PPP2R3A: variants seen among roughly 807,000 people sequenced by gnomAD.
The protein encoded by PPP2R3A is protein phosphatase 2 regulatory subunit B''alpha.
Under a neutral mutation model 106.9 loss-of-function variants are expected in PPP2R3A, and 80 were observed. That is an observed-to-expected ratio of 0.75 (90% CI 0.62 to 0.90). PPP2R3A has a LOEUF of 0.90. Among genes scored for constraint, PPP2R3A ranks in the 40% least tolerant of loss-of-function variants. The pLI, the probability that PPP2R3A is intolerant of heterozygous loss-of-function variation, is 0.00. For synonymous variants in PPP2R3A, 483 were observed against 468.3 expected, an observed-to-expected ratio of 1.03 and a Z score of -0.41; for missense variants, 1,386 against 1,350.4, an observed-to-expected ratio of 1.03 and a Z score of -0.41.
chr3:136,022,922 G>C, intron 2 of PPP2R3A: 1 of 1,457,850 alleles, frequency 6.9e-7, no homozygotes, highest in Non-Finnish European at 9.0e-7. Flanking sequence ...GTCTGTGGAG[G>C]CTGGGAGAGC....
chr3:135,980,842 G>A (rs973776427), intron 1 of PPP2R3A, among the ~76,000 whole-genome samples: 5 of 151,848 alleles, frequency 3.3e-5, no homozygotes, highest in Non-Finnish European at 7.3e-5. Context: ...CACCCACGTA[G>A]TGGAGTTTGG....
intron 2 of PPP2R3A, chr3:136,023,089 C>A: frequency 6.2e-7 from 1 of 1,613,320 alleles, no homozygotes; most frequent in Non-Finnish European, 8.5e-7. Flanking sequence ...AAGGAAACAT[C>A]TCTACGAAGG....
chr3:136,072,011 C>G (rs1021152561), intron 6 of PPP2R3A, among the ~76,000 whole-genome samples: 4 of 152,088 alleles, frequency 2.6e-5, no homozygotes, highest in Non-Finnish European at 5.9e-5. Context: ...CCTCTGCCCC[C>G]TCCCCCTACA....
rs1939075984 is a variant in PPP2R3A at position 136,145,330 on chromosome 3, T to G, written c.*164T>G. On this transcript the variant is annotated 3_prime_UTR_variant, in exon 14 of 14. Transcript: ENST00000264977. Reference sequence around the variant, plus strand: ...TAAGCAATAGGTCTGGATACACATTTAACTTAGGAGGCTCCTCCAATTTGC... The same window carrying G: ...TAAGCAATAGGTCTGGATACACATTGAACTTAGGAGGCTCCTCCAATTTGC... 1.1e-6 allele frequency: 1 copy of G among 869,910 alleles called. No homozygotes were observed. The highest frequency in any genetic ancestry group is 1.6e-6 in the Non-Finnish European group (1 of 622,272). 53.9% of individuals were successfully genotyped at this position (869,910 alleles called of 1,614,324 possible).
At position 136,001,584 on chromosome 3, in the gene PPP2R3A, A is replaced by G. The variant is rs777658460; in HGVS notation, c.86A>G (p.His29Arg). 5.0e-6 allele frequency: 8 copies of G among 1,614,148 alleles called. No homozygotes were observed. In the South Asian group the frequency reaches 7.7e-5, roughly 16 times the overall value. ...VIDRRFEQAI[H>R]YCTGTCHTFT... ...GACCGGCGTTTTGAACAAGCTATAC[A>G]TTATTGCACTGGAACCTGCCACACC... Residue 29 changes from histidine (H) to arginine (R), a missense_variant, in exon 2 of 14, where the codon CAT becomes CGT. Physicochemically the swap from His to Arg is conservative, Grantham distance 29. Coordinates refer to ENST00000264977, the MANE Select transcript of PPP2R3A (RefSeq NM_002718.5).
intron 5 of PPP2R3A, among the ~76,000 whole-genome samples, chr3:136,057,641 A>G (rs1175083266): frequency 6.6e-6 from 1 of 152,186 alleles, no homozygotes. Flanking sequence ...TAAATGGTGA[A>G]GAATCTGAAT....
At chr3:136,073,118 C>CCGT (rs1936486491) in intron 6 of PPP2R3A, among the ~76,000 whole-genome samples, 3 of 152,154 alleles carry the variant, frequency 2.0e-5, no homozygotes, top group Admixed American at 2.0e-4. Flanking sequence ...CAGGCGCCCA[C>CCGT]CACCACGCCC....
intron 13 of PPP2R3A, among the ~76,000 whole-genome samples, chr3:136,112,551 G>T (rs964729584): frequency 6.6e-6 from 1 of 152,100 alleles, no homozygotes; most frequent in African/African-American, 2.4e-5. Flanking sequence ...GCCACAAAAA[G>T]AATAAGATAC....
chr3:136,051,874 A>G lies in PPP2R3A; in HGVS notation c.2469+2513A>G, dbSNP rs189412106. ...ACATAGACTTTTAATTATAGTAACAATCTTCCATGTTTAAAATGTGAAGTT... is the reference window on the plus strand; with the variant it reads ...ACATAGACTTTTAATTATAGTAACAGTCTTCCATGTTTAAAATGTGAAGTT... On this transcript the variant is annotated intron_variant, in intron 5 of 13. Coordinates refer to ENST00000264977, the MANE Select transcript of PPP2R3A (RefSeq NM_002718.5). Among the ~76,000 whole-genome samples, 26 of 152,264 alleles carry G rather than the reference A, an allele frequency of 1.7e-4. 1 individual carries two copies. The South Asian group carries it at 4.6e-3, about 27-fold the overall frequency.
chr3:136,079,329 A>G lies in PPP2R3A; in HGVS notation c.2631+876A>G, dbSNP rs143140593. 295 of 264,874 alleles carry G rather than the reference A, an allele frequency of 1.1e-3. 3 individuals are homozygous for G. Among genetic ancestry groups the G allele is most frequent in the African/African-American group, 6.0e-3 (272 of 45,272 alleles). The allele number at this position is 264,874 out of a possible 1,614,324, so 16.4% of individuals were successfully genotyped here. On this transcript the variant is annotated intron_variant, in intron 7 of 13. Transcript: ENST00000264977. ...ATGGCAGTAATTCCATAATACCTCA[A>G]GAGTAATGATGATAATCCCCCACTT...
intron 2 of PPP2R3A, among the ~76,000 whole-genome samples, chr3:136,022,249 C>A (rs544633236): frequency 1.3e-5 from 2 of 152,148 alleles, no homozygotes; most frequent in South Asian, 4.1e-4. Context: ...TTTTCTATGG[C>A]ATTCAGTTGT....
chr3:136,095,152 G>A (rs1937188001), intron 10 of PPP2R3A, among the ~76,000 whole-genome samples: 2 of 151,848 alleles, frequency 1.3e-5, no homozygotes, highest in Admixed American at 6.6e-5. Context: ...TTTTCTATGG[G>A]GGGAGGTCCC....
intron 2 of PPP2R3A, among the ~76,000 whole-genome samples, chr3:136,005,350 AAGGGATACTC>A (rs1933805342): frequency 6.6e-6 from 1 of 152,216 alleles, no homozygotes; most frequent in Admixed American, 6.5e-5. Context: ...CATTTTGAAT[AAGGGATACTC>A]AGTCTGTATG....
chr3:136,030,366 T>G (rs1934828193), intron 3 of PPP2R3A, among the ~76,000 whole-genome samples: 1 of 152,176 alleles, frequency 6.6e-6, no homozygotes, highest in Non-Finnish European at 1.5e-5. Flanking sequence ...AAAAGTTGAT[T>G]TAATCATGTC....
intron 1 of PPP2R3A, among the ~76,000 whole-genome samples, chr3:135,973,895 A>T (rs756811571): frequency 6.6e-6 from 1 of 152,138 alleles, no homozygotes; most frequent in Non-Finnish European, 1.5e-5. Context: ...TTTGTTTTCT[A>T]CAGTTATCTA....
chr3:136,107,848 C>T (rs1056996931), intron 13 of PPP2R3A, among the ~76,000 whole-genome samples: 2 of 152,020 alleles, frequency 1.3e-5, no homozygotes, highest in Non-Finnish European at 2.9e-5. Context: ...GTTTTTTTGG[C>T]ATTGAGCTTC....
At position 135,968,600 on chromosome 3, in the gene PPP2R3A, A is replaced by C. The variant is rs149239932; in HGVS notation, c.-441+2751A>C. The stretch of plus-strand genomic sequence containing the variant: ...CCACTAAGCAGTGGTTCTCAGTCCA[A>C]CACTCTCATCAGAACCACCAGAACT... On this transcript the variant is annotated intron_variant, in intron 1 of 13. Coordinates refer to ENST00000264977, the MANE Select transcript of PPP2R3A (RefSeq NM_002718.5). 6.6e-5 allele frequency among the ~76,000 whole-genome samples: 10 copies of C among 152,296 alleles called. No homozygotes were observed. The East Asian group carries it at 1.7e-3, about 26-fold the overall frequency.
intron 3 of PPP2R3A, among the ~76,000 whole-genome samples, chr3:136,030,812 ATGTATGTATG>A (rs1243345229): frequency 6.2e-5 from 9 of 146,290 alleles, no homozygotes; most frequent in South Asian, 4.3e-4. Flanking sequence ...GTATGTATGT[ATGTATGTATG>A]TATACACACA....
intron 5 of PPP2R3A, chr3:136,055,635 G>A: frequency 7.4e-7 from 1 of 1,342,686 alleles, no homozygotes; most frequent in Non-Finnish European, 1.1e-6. Flanking sequence ...GCCTGCCAAT[G>A]GACAAAGTAC....
Sources: gnomAD v4.1 joint callset for allele counts (sites outside exome capture counted in the v4.1 genomes callset) on GRCh38, gnomAD v4.1.1 for gene constraint, MANE v1.5 for transcripts, NCBI Gene and HGNC (gene_info 2026-07-23, HGNC 2026-07-21) for gene names.